The following DNAJB4 variants were observed in gnomAD, a reference collection of about 807,000 sequenced individuals.
The protein encoded by DNAJB4 is dnaJ homolog subfamily B member 4.
DNAJB4 carries 10 observed loss-of-function variants against 26.6 expected under a neutral mutation model. The observed-to-expected ratio is 0.38, with a 90% CI of 0.23 to 0.64. The LOEUF (loss-of-function observed/expected upper bound fraction) is 0.64, where lower values mean the gene tolerates loss of function less well. Among genes scored for constraint, DNAJB4 ranks in the 30% least tolerant of loss-of-function variants. The pLI, the probability that DNAJB4 is intolerant of heterozygous loss-of-function variation, is 0.58. For missense variants in DNAJB4, 328 were observed against 408.2 expected (o/e 0.80, Z 1.69); for synonymous variants, 136 against 134.8 (o/e 1.01, Z -0.06).
At chr1:78,008,568 T>C (rs1660388314) in intron 1 of DNAJB4, among the ~76,000 whole-genome samples, 1 of 152,200 alleles carries the variant, frequency 6.6e-6, no homozygotes, top group Admixed American at 6.5e-5. Context: ...AGATCTTTCT[T>C]GCCTAGGACT....
chr1:77,983,741 A>C (rs1409078640), intron 1 of DNAJB4, among the ~76,000 whole-genome samples: 1 of 152,206 alleles, frequency 6.6e-6, no homozygotes, highest in African/African-American at 2.4e-5. Flanking sequence ...TCAAGGCAGA[A>C]GAATTTTTCT....
intron 1 of DNAJB4, among the ~76,000 whole-genome samples, chr1:78,009,142 T>C (rs1340526862): frequency 2.0e-5 from 3 of 152,198 alleles, no homozygotes; most frequent in Non-Finnish European, 2.9e-5. Flanking sequence ...TAAAAACATG[T>C]AAGTAAATTT....
At chr1:78,015,613 G>A (rs1330899672) in intron 2 of DNAJB4, among the ~76,000 whole-genome samples, 1 of 136,920 alleles carries the variant, frequency 7.3e-6, no homozygotes, top group Non-Finnish European at 1.5e-5. Flanking sequence ...GCAATGGCAC[G>A]ATCTCGGCTC....
intron 1 of DNAJB4, among the ~76,000 whole-genome samples, chr1:77,988,617 C>T (rs1388846426): frequency 6.6e-6 from 1 of 152,306 alleles, no homozygotes; most frequent in East Asian, 1.9e-4. Context: ...CCAATAAGTT[C>T]TACCATATGG....
At chr1:78,012,778 C>G (rs1660525239) in intron 1 of DNAJB4, among the ~76,000 whole-genome samples, 1 of 151,386 alleles carries the variant, frequency 6.6e-6, no homozygotes, top group African/African-American at 2.4e-5. Flanking sequence ...CATTGCACTC[C>G]AGCCTGGGCA....
At chr1:77,985,920 A>G (rs983289652) in intron 1 of DNAJB4, among the ~76,000 whole-genome samples, 5 of 152,180 alleles carry the variant, frequency 3.3e-5, no homozygotes, top group African/African-American at 1.2e-4. Context: ...GATTGAAACC[A>G]TGGATCACTT....
At chr1:78,004,612 G>A (rs1660279762), upstream of DNAJB4, 1 of 153,088 alleles carries the variant, frequency 6.5e-6, no homozygotes, top group Non-Finnish European at 1.5e-5. Flanking sequence ...TTTAACATAG[G>A]GTGTTTAATG....
intron 1 of DNAJB4, among the ~76,000 whole-genome samples, chr1:77,993,543 T>G (rs1192375325): frequency 1.3e-5 from 2 of 152,190 alleles, no homozygotes; most frequent in African/African-American, 4.8e-5. Context: ...CTCGAACTCC[T>G]GACCTCAATT....
At chr1:77,995,422 TCTAG>T (rs1179191307) in intron 1 of DNAJB4, among the ~76,000 whole-genome samples, 2 of 152,192 alleles carry the variant, frequency 1.3e-5, no homozygotes, top group African/African-American at 4.8e-5. Flanking sequence ...ATGTAGAAAC[TCTAG>T]CTCTTTTTAA....
chr1:78,012,154 CTTTTCTTTTT>C (rs1392462922), intron 1 of DNAJB4, among the ~76,000 whole-genome samples: 1 of 69,344 alleles, frequency 1.4e-5, no homozygotes, highest in East Asian at 4.9e-4. Context: ...TTTTTCTTTT[CTTTTCTTTTT>C]TTTTTTTTTT....
Position 78,013,362 on chromosome 1 carries a change from T to C in DNAJB4, c.523T>C (p.Cys175Arg). ...RVSLEEIYSGCTKRMKISRKR... is the reference protein window; with the variant it reads ...RVSLEEIYSGRTKRMKISRKR... Reference sequence around the variant, plus strand: ...ATCACTTGAAGAGATATATAGTGGTTGTACCAAACGGATGAAGATTTCTCG... The same window carrying C: ...ATCACTTGAAGAGATATATAGTGGTCGTACCAAACGGATGAAGATTTCTCG... Residue 175 changes from cysteine (C) to arginine (R), a missense_variant, in exon 2 of 3, where the codon TGT (cysteine) becomes CGT (arginine). Coordinates refer to ENST00000370763, the MANE Select transcript of DNAJB4 (RefSeq NM_007034.5). 1 of 1,614,208 alleles carries C rather than the reference T, an allele frequency of 6.2e-7. No individual in the cohort carries two copies.
In DNAJB4 at chr1:77,980,335, A is replaced by ATG. The variant is rs1163506328; in HGVS notation, c.-32+14_-32+15insGT. ...ATCACAGGACTAGGTATATATATAT[A>ATG]TATATGTGTGTGTGTGTGTGTGTGT... On this transcript the variant is annotated intron_variant, in intron 1 of 2. Coordinates refer to the DNAJB4 transcript ENST00000426517. 1.4e-3 allele frequency: 168 copies of ATG among 123,846 alleles called. 1 individual carries two copies. The highest frequency in any genetic ancestry group is 5.5e-3 in the African/African-American group (148 of 27,022). The allele number at this position is 123,846 out of a possible 1,614,324, so 7.7% of individuals were successfully genotyped here. A position where few individuals can be genotyped will look rare whatever the true frequency, so the allele number is the denominator to read the frequency against.
At chr1:77,983,949 G>A (rs758980375) in intron 1 of DNAJB4, among the ~76,000 whole-genome samples, 16 of 152,144 alleles carry the variant, frequency 1.1e-4, no homozygotes, top group African/African-American at 2.7e-4. Flanking sequence ...CTAGTTATGG[G>A]TATATAGTCT....
At chr1:77,994,626 A>G (rs921898567) in intron 1 of DNAJB4, among the ~76,000 whole-genome samples, 5 of 149,070 alleles carry the variant, frequency 3.4e-5, no homozygotes, top group African/African-American at 1.2e-4. Flanking sequence ...TAATGAGCCA[A>G]TTAAGATGAC....
At chr1:77,988,040 C>G (rs976191710) in intron 1 of DNAJB4, among the ~76,000 whole-genome samples, 29 of 139,872 alleles carry the variant, frequency 2.1e-4, no homozygotes, top group African/African-American at 5.5e-4. Flanking sequence ...TTTCCCCCCC[C>G]CCCCAGACAG....
chr1:77,997,361 CTATA>C (rs1049173141), intron 1 of DNAJB4, among the ~76,000 whole-genome samples: 2 of 149,054 alleles, frequency 1.3e-5, no homozygotes, highest in African/African-American at 5.0e-5. Context: ...ATCTATATAT[CTATA>C]TATATATTAG....
rs1659609211 is a variant in DNAJB4 at position 77,980,958 on chromosome 1, G to T, written c.-32+636G>T. 2.0e-5 allele frequency among the ~76,000 whole-genome samples: 3 copies of T among 152,144 alleles called. No individual in the cohort carries two copies. In the South Asian group the frequency reaches 6.2e-4, roughly 31 times the overall value. ...TGTATAGAAAAACAGTAAAAGCAGT[G>T]TTGGGTGTGCGGCTAGGTAGAAATT... On this transcript the variant is annotated intron_variant, in intron 1 of 2. Coordinates refer to the DNAJB4 transcript ENST00000426517.
Position 77,995,654 on chromosome 1 carries a change from A to G in DNAJB4, c.-31-9426A>G, listed in dbSNP as rs555082259. ...TTTTTTGTAGATACGAGGTCTCACT[A>G]TGTTGCTCAGCTGGTCTTGAACTCC... On this transcript the variant is annotated intron_variant, in intron 1 of 2. Transcript: ENST00000426517. 2.6e-5 allele frequency among the ~76,000 whole-genome samples: 4 copies of G among 152,252 alleles called. No individual in the cohort carries two copies. In the South Asian group the frequency reaches 6.2e-4, roughly 24 times the overall value.
chr1:77,986,334 A>C (rs1659789631), intron 1 of DNAJB4, among the ~76,000 whole-genome samples: 1 of 152,198 alleles, frequency 6.6e-6, no homozygotes, highest in Non-Finnish European at 1.5e-5. Context: ...ACTTATGGCC[A>C]CAGCCTGCAT....
Sources: allele counts gnomAD v4.1 joint callset (sites outside exome capture counted in the v4.1 genomes callset), GRCh38; gene constraint gnomAD v4.1.1; transcripts MANE v1.5; gene names NCBI Gene and HGNC (gene_info 2026-07-23, HGNC 2026-07-21).